The following MEIS1 variants were observed in gnomAD, a reference collection of about 807,000 sequenced individuals.
MEIS1 encodes the protein Meis homeobox 1.
In MEIS1, 5 loss-of-function variants were observed where a neutral mutation model predicts 50.8. The observed-to-expected ratio is 0.10, with a 90% CI of 0.05 to 0.21. MEIS1 has a LOEUF of 0.21. MEIS1 is among the 10% of genes least tolerant of loss of function. The pLI, the probability that MEIS1 is intolerant of heterozygous loss-of-function variation, is 1.00. For synonymous variants in MEIS1, 176 were observed against 179.3 expected, an observed-to-expected ratio of 0.98 and a Z score of 0.15; for missense variants, 318 against 517.3, an observed-to-expected ratio of 0.61 and a Z score of 3.74.
In MEIS1 at chr2:66,443,020, T is replaced by G. The variant is rs1301661620; in HGVS notation, c.602T>G (p.Ile201Arg). The G allele has an allele frequency of 6.3e-7, 1 of 1,599,300 alleles. No homozygotes were observed. The highest frequency in any genetic ancestry group is 1.8e-5 in the Admixed American group (1 of 56,778). Residue 201 changes from isoleucine (I) to arginine (R), a missense_variant, in exon 6 of 13, where the codon ATA becomes AGA. Physicochemically the swap from Ile to Arg is moderately conservative, Grantham distance 97. Around this residue, in one of 6 missense-constraint regions of MEIS1, gnomAD observed 48 missense variants for 50.9 expected, o/e 0.94. Transcript: ENST00000272369. ...EGGSKSDSEDITRSANLTDQP... is the reference protein window; with the variant it reads ...EGGSKSDSEDRTRSANLTDQP... ...GGATCAAAATCAGACAGTGAAGATA[T>G]AACAAGATCAGCAAATCTAACTGAC...
chr2:66,529,090 C>T (rs1443884834), intron 8 of MEIS1, among the ~76,000 whole-genome samples: 1 of 152,078 alleles, frequency 6.6e-6, no homozygotes, highest in Non-Finnish European at 1.5e-5. Flanking sequence ...GTACAATTGT[C>T]ACTGCTTGGG....
intron 9 of MEIS1, among the ~76,000 whole-genome samples, chr2:66,552,878 C>T (rs1326425986): frequency 6.6e-6 from 1 of 152,084 alleles, no homozygotes; most frequent in East Asian, 1.9e-4. Flanking sequence ...CTTCTGTGAT[C>T]TAAAAATCAA....
chr2:66,488,260 A>G (rs1022686521), intron 7 of MEIS1, among the ~76,000 whole-genome samples: 2 of 152,226 alleles, frequency 1.3e-5, no homozygotes, highest in African/African-American at 4.8e-5. Context: ...AATATGTCCC[A>G]TCAAAAGAAA....
At chr2:66,463,974 T>C (rs1672578901) in intron 6 of MEIS1, 135 bp from the exon 7 acceptor site, 2 of 637,140 alleles carry the variant, frequency 3.1e-6, no homozygotes, top group South Asian at 2.0e-5. Flanking sequence ...GCTGGAACCA[T>C]GGTTGAAGGG....
chr2:66,522,508 G>A (rs1019510564), intron 8 of MEIS1, among the ~76,000 whole-genome samples: 7 of 152,166 alleles, frequency 4.6e-5, no homozygotes, highest in African/African-American at 1.7e-4. Flanking sequence ...GGAGATATAC[G>A]TGTCTGGCTC....
intron 7 of MEIS1, among the ~76,000 whole-genome samples, chr2:66,467,476 A>G (rs926082619): frequency 6.6e-6 from 1 of 151,990 alleles, no homozygotes; most frequent in Admixed American, 6.6e-5. Flanking sequence ...GGGCGCCTAT[A>G]ATCCCAGCTA....
At chr2:66,467,192 C>A (rs1672658938) in intron 7 of MEIS1, among the ~76,000 whole-genome samples, 1 of 152,134 alleles carries the variant, frequency 6.6e-6, no homozygotes, top group Admixed American at 6.6e-5. Context: ...CTGGTTAGAG[C>A]TTCAGCAATT....
At chr2:66,438,076 G>A in intron 2 of MEIS1, 113 bp downstream of exon 2, 1 of 986,192 alleles carries the variant, frequency 1.0e-6, no homozygotes, top group South Asian at 1.7e-5. Context: ...CATCTTTGGT[G>A]ACTTTTCATT....
In MEIS1 at chr2:66,435,743, CTTTT is replaced by C. The variant is rs70943697; in HGVS notation, c.-93_-90del. 15,129 of 323,942 alleles carry C rather than the reference CTTTT, an allele frequency of 0.047. No homozygotes were observed. The highest frequency in any genetic ancestry group is 0.058 in the South Asian group (796 of 13,744). The allele number at this position is 323,942 out of a possible 1,614,324, so 20.1% of individuals were successfully genotyped here. A position where few individuals can be genotyped will look rare whatever the true frequency, so the allele number is the denominator to read the frequency against. On this transcript the variant is annotated 5_prime_UTR_variant, in exon 1 of 13. Transcript: ENST00000272369. The stretch of plus-strand genomic sequence containing the variant: ...AGACGTTAAGGGATTTTTCGTCGTG[CTTTT>C]TTTTTTTTTTTTTTTTTTTTCCGGG...
intron 8 of MEIS1, among the ~76,000 whole-genome samples, chr2:66,530,557 A>C (rs932559917): frequency 4.6e-5 from 7 of 152,178 alleles, no homozygotes; most frequent in African/African-American, 1.7e-4. Flanking sequence ...TCCTAAAAAT[A>C]CAAAAAAAAT....
chr2:66,488,724 C>T (rs1673201161), intron 7 of MEIS1, among the ~76,000 whole-genome samples: 1 of 152,106 alleles, frequency 6.6e-6, no homozygotes, highest in South Asian at 2.1e-4. Context: ...ACAATATCAG[C>T]ATTTGTTTAT....
intron 7 of MEIS1, among the ~76,000 whole-genome samples, chr2:66,511,929 C>T (rs1045820149): frequency 5.9e-5 from 9 of 152,176 alleles, no homozygotes; most frequent in Non-Finnish European, 1.0e-4. Flanking sequence ...TGACTTTTGG[C>T]AATGTTCTTT....
chr2:66,514,434 G>T (rs183252443), intron 8 of MEIS1, among the ~76,000 whole-genome samples: 21 of 152,258 alleles, frequency 1.4e-4, no homozygotes, highest in African/African-American at 4.8e-4. Flanking sequence ...TGTTACTGGG[G>T]CAATTGTAAT....
intron 8 of MEIS1, among the ~76,000 whole-genome samples, chr2:66,520,813 A>G (rs1407281193): frequency 6.6e-6 from 1 of 152,242 alleles, no homozygotes; most frequent in African/African-American, 2.4e-5. Context: ...AGAGAAGTTA[A>G]TGATTTTTCT....
rs901656293 is a variant in MEIS1 at position 66,572,946 on chromosome 2, G to C, written c.*1738G>C. ...CTGACTTAATGAACTCCTAATATCA[G>C]CAAATTTGAGGCCTAAAGGCACTAA... is the stretch of plus-strand genomic sequence containing the variant. On this transcript the variant is annotated 3_prime_UTR_variant, in exon 13 of 13. Transcript: ENST00000272369. The C allele has an allele frequency of 6.6e-6, 1 of 152,048 alleles. No individual in the cohort carries two copies. Among genetic ancestry groups the C allele is most frequent in the African/African-American group, 2.4e-5 (1 of 41,394 alleles). The allele number at this position is 152,048 out of a possible 1,614,324, so 9.4% of individuals were successfully genotyped here. A position where few individuals can be genotyped will look rare whatever the true frequency, so the allele number is the denominator to read the frequency against.
chr2:66,541,038 T>A lies in MEIS1; in HGVS notation c.889-6905T>A, dbSNP rs370091639. On this transcript the variant is annotated intron_variant, in intron 8 of 12. Coordinates refer to ENST00000272369, the MANE Select transcript of MEIS1 (RefSeq NM_002398.3). ...TTTATTTTATTTTATTTTATTATTT[T>A]TTATTTTTTATTTTTTTTTGAGACA... 1.3e-3 allele frequency among the ~76,000 whole-genome samples: 197 copies of A among 151,780 alleles called. No individual in the cohort carries two copies. In the Middle Eastern group the frequency reaches 0.014, roughly 10 times the overall value.
chr2:66,519,418 C>G lies in MEIS1; in HGVS notation c.888+7124C>G, dbSNP rs559658918. Among the ~76,000 whole-genome samples, 6 of 152,094 alleles carry G rather than the reference C, an allele frequency of 3.9e-5. No individual in the cohort carries two copies. The East Asian group carries it at 1.2e-3, about 29-fold the overall frequency. ...TTGCTCACCCTTCCTTGTGCAGAGT[C>G]CGGAGTGTGGGCAACTTGGCTAGCC... On this transcript the variant is annotated intron_variant, in intron 8 of 12. Transcript: ENST00000272369.
At chr2:66,444,785 C>A (rs1472421120) in intron 6 of MEIS1, among the ~76,000 whole-genome samples, 1 of 152,190 alleles carries the variant, frequency 6.6e-6, no homozygotes, top group Non-Finnish European at 1.5e-5. Context: ...ATCCAACAAG[C>A]CTAACTGGAA....
intron 9 of MEIS1, among the ~76,000 whole-genome samples, chr2:66,563,866 C>A (rs183548897): frequency 6.6e-6 from 1 of 152,228 alleles, no homozygotes; most frequent in East Asian, 1.9e-4. Flanking sequence ...ATAAAATAGT[C>A]TGGGATAATG....
Sources: allele counts gnomAD v4.1 joint callset (sites outside exome capture counted in the v4.1 genomes callset), GRCh38; gene constraint gnomAD v4.1.1; regional missense constraint gnomAD v4.1.1; transcripts MANE v1.5; gene names NCBI Gene and HGNC (gene_info 2026-07-23, HGNC 2026-07-21).